Variants in LYST observed in about 807,000 individuals in gnomAD.
The protein encoded by LYST is lysosomal-trafficking regulator.
Under a neutral mutation model 413.6 loss-of-function variants are expected in LYST, and 192 were observed. The ratio of observed to expected loss-of-function variants is 0.46; its 90% CI spans 0.41 to 0.52. The LOEUF is 0.52. LYST is among the 20% of genes least tolerant of loss of function. The pLI is 0.00. For synonymous variants in LYST, 1,525 were observed against 1,567.3 expected (o/e 0.97, Z 0.64); for missense variants, 3,815 against 4,499.9 (o/e 0.85, Z 4.35).
chr1:235,668,835 A>G (rs1291902914), intron 50 of LYST, among the ~76,000 whole-genome samples: 2 of 152,256 alleles, frequency 1.3e-5, no homozygotes, highest in African/African-American at 4.8e-5. Flanking sequence ...TCATTTGCGC[A>G]AACTTGTACT....
rs971084336 is a variant in LYST at position 235,804,435 on chromosome 1, A to G, written c.3555+69T>C. 9 of 1,203,938 alleles carry G rather than the reference A, an allele frequency of 7.5e-6. No individual in the cohort carries two copies. In the African/African-American group the frequency reaches 1.3e-4, roughly 18 times the overall value. The allele number at this position is 1,203,938 out of a possible 1,614,324, so 74.6% of individuals were successfully genotyped here. Reference sequence around the variant, plus strand: ...CTCTAATGACATTCATCAGCGTCCTAGTGTCATCCCACACTTCCGCCTCTG... The same window carrying G: ...CTCTAATGACATTCATCAGCGTCCTGGTGTCATCCCACACTTCCGCCTCTG... On this transcript the variant is annotated intron_variant, in intron 7 of 52. Coordinates refer to ENST00000389793, the MANE Select transcript of LYST (RefSeq NM_000081.4).
Position 235,808,872 on chromosome 1 carries a change from T to A in LYST, c.1946A>T (p.Gln649Leu), listed in dbSNP as rs1473308225. The part of the protein sequence containing the change: ...ICTVDSDQLA[Q>L]LEETLQGNLC... ...GTTTCCCTGCAGTGTCTCTTCTAAT[T>A]GGGCTAGTTGGTCAGAGTCAACAGT... The change falls in exon 5 of 53, where the codon CAA becomes CTA. Residue 649 changes from glutamine (Q) to leucine (L), a missense_variant. By Grantham distance (113) the Gln-to-Leu change is moderately radical. Transcript: ENST00000389793. 1.9e-6 allele frequency: 3 copies of A among 1,613,900 alleles called. No individual in the cohort carries two copies. Among genetic ancestry groups the A allele is most frequent in the South Asian group, 1.1e-5 (1 of 91,088 alleles).
rs1679837527 is a variant in LYST, at chr1:235,861,241, C to G, written c.-98+5602G>C. Among the ~76,000 whole-genome samples the G allele has an allele frequency of 2.0e-5, 3 of 152,308 alleles. No individual in the cohort carries two copies. The South Asian group carries it at 6.2e-4, about 32-fold the overall frequency. ...TTCAAAGAATCATATTTGAATGGAA[C>G]AATGACTAGCCTTTTGAAAATTATT... On this transcript the variant is annotated intron_variant, in intron 1 of 52. Coordinates refer to ENST00000389793, the MANE Select transcript of LYST (RefSeq NM_000081.4).
intron 1 of LYST, among the ~76,000 whole-genome samples, chr1:235,874,117 A>T (rs1034010111): frequency 2.0e-5 from 3 of 152,176 alleles, no homozygotes; most frequent in Non-Finnish European, 2.9e-5. Flanking sequence ...TCCTTGAAAA[A>T]TGGTGCTACA....
At chr1:235,683,686 G>T (rs979834351) in intron 48 of LYST, among the ~76,000 whole-genome samples, 1 of 152,144 alleles carries the variant, frequency 6.6e-6, no homozygotes, top group Non-Finnish European at 1.5e-5. Flanking sequence ...CTTGGTTGGG[G>T]GGCCCATCTT....
intron 1 of LYST, among the ~76,000 whole-genome samples, chr1:235,878,326 G>T (rs1240244706): frequency 6.6e-6 from 1 of 152,120 alleles, no homozygotes; most frequent in East Asian, 1.9e-4. Flanking sequence ...TCTGCGGGTG[G>T]ACTCTGTGAC....
At position 235,709,147 on chromosome 1, in the gene LYST, CA is replaced by C; in HGVS notation, c.10086del (p.Phe3362LeufsTer39). On this transcript the variant is annotated frameshift_variant, in exon 44 of 53. Coordinates refer to ENST00000389793, the MANE Select transcript of LYST (RefSeq NM_000081.4). LOFTEE classifies it high-confidence loss of function. The stretch of plus-strand genomic sequence containing the variant: ...GAAGCCTTCCCCTTTTGCTTATACC[CA>C]AACACCAAGTCAATCCACTGACAGA... ...QNICQWIDLV[F>X]GYKQKGKASV... 1.9e-6 allele frequency: 3 copies of C among 1,614,104 alleles called. No homozygotes were observed. Among genetic ancestry groups the C allele is most frequent in the Non-Finnish European group, 2.5e-6 (3 of 1,180,002 alleles).
chr1:235,800,997 A>C lies in LYST; in HGVS notation c.3813T>G (p.Ile1271Met). The change falls in exon 9 of 53, where the codon ATT becomes ATG. Residue 1271 changes from isoleucine (I) to methionine (M), a missense_variant. Physicochemically the swap from Ile to Met is conservative, Grantham distance 10. Around this residue, in one of 4 missense-constraint regions of LYST, gnomAD observed 1,648 missense variants for 1,810.3 expected, o/e 0.91. Transcript: ENST00000389793. ...LTQGEIIYPEICMLELNLLSA... is the reference protein window; with the variant it reads ...LTQGEIIYPEMCMLELNLLSA... The stretch of plus-strand genomic sequence containing the variant: ...AAAGCAAATTTAATTCCAGCATACA[A>C]ATCTCAGGATAAATTATTTCCCCTT... 6.2e-7 allele frequency: 1 copy of C among 1,613,674 alleles called. No individual in the cohort carries two copies. Among genetic ancestry groups the C allele is most frequent in the Non-Finnish European group, 8.5e-7 (1 of 1,179,678 alleles).
chr1:235,705,383 CT>C (rs200221983), intron 44 of LYST, among the ~76,000 whole-genome samples: 14 of 151,828 alleles, frequency 9.2e-5, no homozygotes, highest in African/African-American at 3.4e-4. Flanking sequence ...TCTTCAGATA[CT>C]TTTTTTTAAA....
intron 9 of LYST, among the ~76,000 whole-genome samples, chr1:235,800,590 T>C (rs900067374): frequency 6.6e-6 from 1 of 152,198 alleles, no homozygotes; most frequent in Non-Finnish European, 1.5e-5. Context: ...ACAGCGAGCA[T>C]GTATTAAAAT....
chr1:235,670,843 G>C (rs973697341), intron 50 of LYST, among the ~76,000 whole-genome samples: 1 of 152,188 alleles, frequency 6.6e-6, no homozygotes, highest in Admixed American at 6.5e-5. Flanking sequence ...TAGTAAGAGA[G>C]GTTGAACCCC....
At chr1:235,836,699 T>C (rs1322042858) in intron 1 of LYST, among the ~76,000 whole-genome samples, 1 of 152,116 alleles carries the variant, frequency 6.6e-6, no homozygotes, top group East Asian at 1.9e-4. Flanking sequence ...TGAAACCATT[T>C]CTCCCCAAGA....
At chr1:235,741,967 A>G (rs1572120085) in intron 30 of LYST, among the ~76,000 whole-genome samples, 2 of 152,196 alleles carry the variant, frequency 1.3e-5, no homozygotes, top group African/African-American at 4.8e-5. Context: ...TACAACATGG[A>G]TGACCCTTGA....
At position 235,782,231 on chromosome 1, in the gene LYST, C is replaced by A. The variant is rs908187087; in HGVS notation, c.4863-144G>T. The A allele has an allele frequency of 4.4e-6, 3 of 689,172 alleles. No homozygotes were observed. In the African/African-American group the frequency reaches 5.5e-5, roughly 13 times the overall value. The allele number at this position is 689,172 out of a possible 1,614,324, so 42.7% of individuals were successfully genotyped here. ...TCTCGCTCTGTTGCCCAGGTTGGCA[C>A]GATCTCAGCTCACTGCAAGCTCCGC... On this transcript the variant is annotated intron_variant, in intron 14 of 52. Coordinates refer to ENST00000389793, the MANE Select transcript of LYST (RefSeq NM_000081.4).
intron 14 of LYST, among the ~76,000 whole-genome samples, chr1:235,784,384 C>T (rs1172304747): frequency 1.3e-5 from 2 of 152,188 alleles, no homozygotes; most frequent in Admixed American, 6.5e-5. Flanking sequence ...AGTGACCATG[C>T]TTACTAATTT....
intron 45 of LYST, among the ~76,000 whole-genome samples, chr1:235,701,626 CA>C (rs1397576320): frequency 6.7e-6 from 1 of 149,858 alleles, no homozygotes; most frequent in African/African-American, 2.4e-5. Flanking sequence ...AGACTCATCT[CA>C]ATCAATCAAT....
chr1:235,712,540 A>T (rs886139590), intron 42 of LYST: 1 of 929,600 alleles, frequency 1.1e-6, no homozygotes, highest in Non-Finnish European at 1.3e-6. Context: ...ATGGGTATTC[A>T]ATCATGGTTT....
intron 41 of LYST, 87 bp downstream of exon 41, chr1:235,716,625 T>C: frequency 1.2e-6 from 1 of 817,706 alleles, no homozygotes; most frequent in Non-Finnish European, 2.1e-6. Context: ...AAATCCATAG[T>C]ATAAATTTAA....
intron 48 of LYST, among the ~76,000 whole-genome samples, chr1:235,681,140 G>A (rs1293955386): frequency 6.6e-6 from 1 of 152,158 alleles, no homozygotes; most frequent in Admixed American, 6.5e-5. Context: ...CTGGGGACAG[G>A]GAGTGAAAGG....
Sources: allele counts gnomAD v4.1 joint callset (sites outside exome capture counted in the v4.1 genomes callset), GRCh38; gene constraint gnomAD v4.1.1; regional missense constraint gnomAD v4.1.1; transcripts MANE v1.5; gene names NCBI Gene and HGNC (gene_info 2026-07-23, HGNC 2026-07-21).